The following MDM1 variants were observed in gnomAD, a reference collection of about 807,000 sequenced individuals.
The protein encoded by MDM1 is stabilizer of axonemal microtubules 6.
Under a neutral mutation model 89.1 loss-of-function variants are expected in MDM1, and 61 were observed. The ratio of observed to expected loss-of-function variants is 0.68; its 90% CI spans 0.56 to 0.85. The LOEUF (loss-of-function observed/expected upper bound fraction) is 0.85, where lower values mean the gene tolerates loss of function less well. Among genes scored for constraint, MDM1 ranks in the 40% least tolerant of loss-of-function variants. The pLI is 0.00. For missense variants in MDM1, 820 were observed against 846.5 expected, an observed-to-expected ratio of 0.97 and a Z score of 0.39; for synonymous variants, 290 against 294.1, an observed-to-expected ratio of 0.99 and a Z score of 0.14.
At chr12:68,307,944 A>G (rs1487334299) in intron 12 of MDM1, among the ~76,000 whole-genome samples, 1 of 151,318 alleles carries the variant, frequency 6.6e-6, no homozygotes, top group Non-Finnish European at 1.5e-5. Context: ...TCTCAAAAAA[A>G]AAAAAAAGTG....
Position 68,295,267 on chromosome 12 carries a change from C to T in MDM1, c.2162G>A (p.Trp721Ter), listed in dbSNP as rs1212340379. Residue 721 changes from tryptophan to a stop codon, truncating the protein, a stop_gained, in exon 15 of 15, where the codon TGG becomes TAG. Transcript: ENST00000682720. LOFTEE classifies it high-confidence loss of function. ...ARAKKRKENF[W>*]GKT ...ACTCAGCTAGGTTTATGTTTTACCC[C>T]AGAAATTCTCCTTCCTTTTCTTAGC... 4 of 1,611,028 alleles carry T rather than the reference C, an allele frequency of 2.5e-6. No individual in the cohort carries two copies. Among genetic ancestry groups the T allele is most frequent in the Non-Finnish European group, 3.4e-6 (4 of 1,178,232 alleles).
intron 4 of MDM1, among the ~76,000 whole-genome samples, chr12:68,324,731 C>T (rs1366061518): frequency 6.6e-6 from 1 of 152,162 alleles, no homozygotes; most frequent in Non-Finnish European, 1.5e-5. Context: ...TTACAGGTCT[C>T]TGGGGATATT....
chr12:68,331,234 G>T lies in MDM1; in HGVS notation c.19-13C>A. ...ATTCACTCAGCCCCTGTAATGCAAA[G>T]TACACTTTTGAGTACAGTCCAATTA... On this transcript the variant is annotated splice_polypyrimidine_tract_variant and intron_variant, in intron 1 of 14. Transcript: ENST00000682720. 1 of 1,394,048 alleles carries T rather than the reference G, an allele frequency of 7.2e-7. No homozygotes were observed. Among genetic ancestry groups the T allele is most frequent in the Non-Finnish European group, 1.0e-6 (1 of 979,294 alleles). The allele number at this position is 1,394,048 out of a possible 1,614,324, so 86.4% of individuals were successfully genotyped here. A position where few individuals can be genotyped will look rare whatever the true frequency, so the allele number is the denominator to read the frequency against.
chr12:68,309,872 G>T (rs1373070828), intron 12 of MDM1, among the ~76,000 whole-genome samples: 1 of 152,232 alleles, frequency 6.6e-6, no homozygotes, highest in African/African-American at 2.4e-5. Context: ...AATCTAGCTA[G>T]CTCCTGGTAT....
At chr12:68,318,101 G>A (rs1874732637) in intron 7 of MDM1, among the ~76,000 whole-genome samples, 2 of 152,288 alleles carry the variant, frequency 1.3e-5, no homozygotes, top group South Asian at 4.1e-4. Context: ...AGCTAAACAT[G>A]GCAGCCAAAG....
At chr12:68,307,957 T>C (rs1193658798) in intron 12 of MDM1, among the ~76,000 whole-genome samples, 2 of 141,746 alleles carry the variant, frequency 1.4e-5, no homozygotes, top group Non-Finnish European at 3.1e-5. Flanking sequence ...AAAAAGTGAA[T>C]ATAAAATTAA....
intron 4 of MDM1, among the ~76,000 whole-genome samples, chr12:68,324,595 CT>C (rs1204458901): frequency 6.6e-6 from 1 of 152,098 alleles, no homozygotes; most frequent in Non-Finnish European, 1.5e-5. Context: ...CCTGTCAGTT[CT>C]TACGGCTATA....
chr12:68,313,406 C>T, intron 12 of MDM1, 37 bp downstream of exon 12: 1 of 1,382,812 alleles, frequency 7.2e-7, no homozygotes, highest in Non-Finnish European at 1.0e-6. Flanking sequence ...AATAATTAGT[C>T]CTAGATGAGA....
At chr12:68,325,379 G>T in intron 4 of MDM1, 62 bp downstream of exon 4, 1 of 1,410,722 alleles carries the variant, frequency 7.1e-7, no homozygotes, top group Non-Finnish European at 9.3e-7. Flanking sequence ...TTAATTCTAT[G>T]TAAATCTACA....
chr12:68,302,633 C>T lies in MDM1; in HGVS notation c.1989G>A (p.Glu663=). 6.2e-7 allele frequency: 1 copy of T among 1,612,122 alleles called. No individual in the cohort carries two copies. Among genetic ancestry groups the T allele is most frequent in the Admixed American group, 1.7e-5 (1 of 59,788 alleles). Residue 663 remains glutamate (E), a synonymous_variant, in exon 13 of 15, where the codon GAG becomes GAA. Coordinates refer to ENST00000682720, the MANE Select transcript of MDM1 (RefSeq NM_001354969.2). ...RRIQGSLRDP[E]FQHNVGKARM... is the part of the protein sequence containing the mutation. The stretch of plus-strand genomic sequence containing the variant: ...CAAAATAATTACCATTGTGCTGAAA[C>T]TCTGGATCTCTAAGAGAGCCCTGAA...
At chr12:68,305,931 AG>A (rs1323815394) in intron 12 of MDM1, among the ~76,000 whole-genome samples, 1 of 150,818 alleles carries the variant, frequency 6.6e-6, no homozygotes, top group African/African-American at 2.4e-5. Context: ...AAAAAAAAAA[AG>A]GGCCCAAAGC....
intron 4 of MDM1, chr12:68,325,092 C>T (rs1875770019): frequency 5.3e-6 from 5 of 952,198 alleles, no homozygotes; most frequent in Non-Finnish European, 6.3e-6. Context: ...TATTAGTCAA[C>T]AAAACACAAC....
intron 8 of MDM1, 112 bp from the exon 9 acceptor site, chr12:68,316,365 G>C: frequency 8.0e-7 from 1 of 1,256,212 alleles, no homozygotes; most frequent in Non-Finnish European, 1.1e-6. Context: ...AAAGACAAAG[G>C]AAGGCAAAAT....
intron 13 of MDM1, 102 bp from the exon 14 acceptor site, chr12:68,297,084 T>G (rs1871501354): frequency 4.6e-6 from 3 of 654,728 alleles, no homozygotes; most frequent in Non-Finnish European, 2.4e-6. Flanking sequence ...GTCAGAAATT[T>G]TATTAATTAT....
intron 4 of MDM1, 130 bp from the exon 5 acceptor site, chr12:68,323,370 T>C: frequency 1.6e-6 from 1 of 623,410 alleles, no homozygotes; most frequent in South Asian, 2.3e-5. Context: ...TGATTTTAAT[T>C]TCATTTCACA....
chr12:68,315,049 A>C lies in MDM1; in HGVS notation c.1428T>G (p.Asn476Lys). Residue 476 changes from asparagine (N) to lysine (K), a missense_variant, in exon 10 of 15, where the codon AAT (asparagine) becomes AAG (lysine). By Grantham distance (94) the Asn-to-Lys change is moderately conservative. Transcript: ENST00000682720. The part of the protein sequence containing the change: ...QPGEKEEEDD[N>K]EEEGDRKTGK... ...CCGTTTTCCTGTCCCCTTCCTCTTC[A>C]TTGTCGTCCTCCTCCTCTTTCTCCC... 2 of 1,613,574 alleles carry C rather than the reference A, an allele frequency of 1.2e-6. No homozygotes were observed. Among genetic ancestry groups the C allele is most frequent in the Non-Finnish European group, 1.7e-6 (2 of 1,179,908 alleles).
At chr12:68,305,855 A>T (rs1213575376) in intron 12 of MDM1, among the ~76,000 whole-genome samples, 1 of 151,638 alleles carries the variant, frequency 6.6e-6, no homozygotes, top group Non-Finnish European at 1.5e-5. Flanking sequence ...TGCAATTCCT[A>T]TCCAATTACC....
intron 12 of MDM1, among the ~76,000 whole-genome samples, chr12:68,304,425 T>C (rs1424727873): frequency 6.6e-6 from 1 of 152,232 alleles, no homozygotes; most frequent in Non-Finnish European, 1.5e-5. Context: ...TTTTCTGTGA[T>C]TGCAGAGCTT....
intron 2 of MDM1, chr12:68,330,645 G>C (rs899783663): frequency 6.5e-6 from 1 of 153,438 alleles, no homozygotes; most frequent in Non-Finnish European, 1.4e-5. Flanking sequence ...CAATAAATTT[G>C]TGGAGGCCTG....
Sources: gnomAD v4.1 joint callset for allele counts (sites outside exome capture counted in the v4.1 genomes callset) on GRCh38, gnomAD v4.1.1 for gene constraint, MANE v1.5 for transcripts, NCBI Gene and HGNC (gene_info 2026-07-23, HGNC 2026-07-21) for gene names.